KIAA0232: variants seen among roughly 807,000 people sequenced by gnomAD.
The protein encoded by KIAA0232 is uncharacterized protein KIAA0232.
A neutral mutation model predicts 122.0 loss-of-function variants in KIAA0232; 27 were observed. The ratio of observed to expected loss-of-function variants is 0.22; its 90% confidence interval spans 0.16 to 0.31. The LOEUF is 0.31. KIAA0232 is among the 10% of genes least tolerant of loss of function. The pLI is 1.00. For synonymous variants in KIAA0232, 613 were observed against 587.6 expected (o/e 1.04, Z -0.63); for missense variants, 1,551 against 1,634.2 (o/e 0.95, Z 0.88).
chr4:6,822,114 A>G (rs931731373), intron 2 of KIAA0232, among the ~76,000 whole-genome samples: 2 of 152,072 alleles, frequency 1.3e-5, no homozygotes, highest in African/African-American at 4.8e-5. Flanking sequence ...TGAGTGTGTT[A>G]TTTAATTGAC....
At position 6,861,169 on chromosome 4, in the gene KIAA0232, A is replaced by G. The variant is rs1246207191; in HGVS notation, c.787A>G (p.Thr263Ala). The change falls in exon 7 of 10, where the codon ACA becomes GCA. Residue 263 changes from threonine (T) to alanine (A), a missense_variant. By Grantham distance (58) the Thr-to-Ala change is moderately conservative. This residue lies in a region of KIAA0232 where 377 missense variants were observed against 381.7 expected (regional missense o/e 0.99). Coordinates refer to ENST00000307659, the MANE Select transcript of KIAA0232 (RefSeq NM_014743.3). ...GAAGGAAAACAAATTTAGTAATGGC[A>G]CAATTGAAGAAAAGCCTGCTTTGTA... ...NEKENKFSNG[T>A]IEEKPALYKK... 1.2e-6 allele frequency: 2 copies of G among 1,614,182 alleles called. No homozygotes were observed. Among genetic ancestry groups the G allele is most frequent in the Non-Finnish European group, 1.7e-6 (2 of 1,180,046 alleles).
rs201105615 is a variant in KIAA0232 at position 6,861,242 on chromosome 4, C to T, written c.860C>T (p.Ser287Leu). Residue 287 changes from serine (S) to leucine (L), a missense_variant, in exon 7 of 10, where the codon TCG becomes TTG. Physicochemically the swap from Ser to Leu is moderately radical, Grantham distance 145. Coordinates refer to ENST00000307659, the MANE Select transcript of KIAA0232 (RefSeq NM_014743.3). ...HKPEGKIRPR[S>L]WSSGSSEAGS... The stretch of plus-strand genomic sequence containing the variant: ...CCTGAAGGAAAGATTCGCCCTCGCT[C>T]GTGGTCTTCTGGCTCCAGTGAAGCA... 3.8e-5 allele frequency: 61 copies of T among 1,614,124 alleles called. No individual in the cohort carries two copies. The highest frequency in any genetic ancestry group is 5.0e-5 in the Non-Finnish European group (59 of 1,180,034).
intron 3 of KIAA0232, among the ~76,000 whole-genome samples, chr4:6,841,169 A>C (rs1719640975): frequency 6.6e-6 from 1 of 152,222 alleles, no homozygotes. Flanking sequence ...AGGCTGCTTC[A>C]TACATTTTTT....
At chr4:6,859,218 C>T (rs1262786904) in intron 6 of KIAA0232, among the ~76,000 whole-genome samples, 6 of 151,830 alleles carry the variant, frequency 4.0e-5, no homozygotes, top group Non-Finnish European at 8.8e-5. Context: ...CCTTGACCTG[C>T]CAAACCTGCT....
At chr4:6,795,623 A>G (rs1309423442) in intron 1 of KIAA0232, among the ~76,000 whole-genome samples, 3 of 152,134 alleles carry the variant, frequency 2.0e-5, no homozygotes, top group African/African-American at 7.2e-5. Flanking sequence ...GAGCTAGGAC[A>G]TCACTGTCAC....
chr4:6,834,197 C>T (rs1719143387), intron 3 of KIAA0232, among the ~76,000 whole-genome samples: 1 of 152,172 alleles, frequency 6.6e-6, no homozygotes. Context: ...CAAGGGTCCT[C>T]CTGTCTCAGC....
intron 9 of KIAA0232, among the ~76,000 whole-genome samples, chr4:6,878,379 T>TCATTCATA (rs1553847005): frequency 6.7e-5 from 10 of 149,198 alleles, no homozygotes; most frequent in Admixed American, 1.3e-4. Context: ...CATCATTCAT[T>TCATTCATA]CATACATACA....
At position 6,871,576 on chromosome 4, in the gene KIAA0232, C is replaced by T; in HGVS notation, c.3804C>T (p.Phe1268=). 1 of 1,572,984 alleles carries T rather than the reference C, an allele frequency of 6.4e-7. No homozygotes were observed. The highest frequency in any genetic ancestry group is 8.7e-7 in the Non-Finnish European group (1 of 1,144,722). The change falls in exon 8 of 10, where the codon TTC becomes TTT. Residue 1268 remains phenylalanine, a splice_region_variant and synonymous_variant. Coordinates refer to ENST00000307659, the MANE Select transcript of KIAA0232 (RefSeq NM_014743.3). ...NPVSSGQLEE[F]PVLNTDIQGM... is the part of the protein sequence containing the mutation. ...TGTATTTGGTTTAATCTAAACAGTT[C>T]CCTGTATTGAACACTGATATACAAG...
intron 8 of KIAA0232, among the ~76,000 whole-genome samples, chr4:6,875,720 T>C (rs1053230331): frequency 1.5e-4 from 23 of 152,252 alleles, no homozygotes; most frequent in African/African-American, 5.3e-4. Flanking sequence ...AAGTAGATGC[T>C]CAAGGGTGTT....
At chr4:6,798,668 C>T (rs1483720114) in intron 1 of KIAA0232, among the ~76,000 whole-genome samples, 2 of 152,168 alleles carry the variant, frequency 1.3e-5, no homozygotes, top group African/African-American at 4.8e-5. Context: ...CCTCCCACCT[C>T]AACCTTCTGA....
At chr4:6,819,210 A>T (rs967458866) in intron 2 of KIAA0232, among the ~76,000 whole-genome samples, 2 of 152,180 alleles carry the variant, frequency 1.3e-5, no homozygotes, top group African/African-American at 2.4e-5. Context: ...ACAAAAACGA[A>T]CATTGACAAA....
chr4:6,836,332 T>G (rs1029499306), intron 3 of KIAA0232, among the ~76,000 whole-genome samples: 1 of 150,504 alleles, frequency 6.6e-6, no homozygotes, highest in African/African-American at 2.5e-5. Context: ...TTGTTTTTTG[T>G]TTTGTTTTTT....
intron 4 of KIAA0232, among the ~76,000 whole-genome samples, chr4:6,842,674 C>T (rs1719726154): frequency 6.6e-6 from 1 of 151,744 alleles, no homozygotes; most frequent in South Asian, 2.1e-4. Flanking sequence ...CAACCTCTGC[C>T]TCCCAGGTTT....
intron 3 of KIAA0232, among the ~76,000 whole-genome samples, chr4:6,832,558 A>C (rs1307074843): frequency 6.6e-6 from 1 of 152,256 alleles, no homozygotes; most frequent in Admixed American, 6.5e-5. Flanking sequence ...CATGTGGGCC[A>C]GGCTGGTCTC....
chr4:6,879,035 T>C (rs1721914325), intron 9 of KIAA0232, among the ~76,000 whole-genome samples: 1 of 152,124 alleles, frequency 6.6e-6, no homozygotes, highest in South Asian at 2.1e-4. Context: ...TGCCTGCCAG[T>C]CCTGACCGTT....
intron 7 of KIAA0232, among the ~76,000 whole-genome samples, chr4:6,865,023 A>AT (rs1721097281): frequency 6.6e-6 from 1 of 152,218 alleles, no homozygotes; most frequent in African/African-American, 2.4e-5. Flanking sequence ...ATACAGATGT[A>AT]TCTTGCTTTA....
chr4:6,788,065 G>T (rs1276996121), intron 1 of KIAA0232, among the ~76,000 whole-genome samples: 1 of 152,114 alleles, frequency 6.6e-6, no homozygotes, highest in Non-Finnish European at 1.5e-5. Context: ...TTGAGACAGG[G>T]TCTTACTCTG....
At chr4:6,840,552 C>T (rs770479319) in intron 3 of KIAA0232, among the ~76,000 whole-genome samples, 1 of 152,176 alleles carries the variant, frequency 6.6e-6, no homozygotes, top group Non-Finnish European at 1.5e-5. Context: ...TCTAGCCTTA[C>T]GTGACCTCCC....
At chr4:6,784,361 T>A (rs1411629694) in intron 1 of KIAA0232, among the ~76,000 whole-genome samples, 2 of 150,858 alleles carry the variant, frequency 1.3e-5, no homozygotes, top group East Asian at 3.9e-4. Flanking sequence ...GCTAGATTCT[T>A]CCTATGCAAA....
Sources: gnomAD v4.1 joint callset for allele counts (sites outside exome capture counted in the v4.1 genomes callset) on GRCh38, gnomAD v4.1.1 for gene constraint, gnomAD v4.1.1 regional missense constraint, MANE v1.5 for transcripts, NCBI Gene and HGNC (gene_info 2026-07-23, HGNC 2026-07-21) for gene names.